The following ZNF273 variants were observed in gnomAD, a reference collection of about 807,000 sequenced individuals.
The protein encoded by ZNF273 is zinc finger protein 9.
In ZNF273, 11 loss-of-function variants were observed where a neutral mutation model predicts 14.9. The ratio of observed to expected loss-of-function variants is 0.74; its 90% CI spans 0.46 to 1.22. The LOEUF (loss-of-function observed/expected upper bound fraction) is 1.22, where lower values mean the gene tolerates loss of function less well. Among genes scored for constraint, ZNF273 ranks in the 50% most tolerant of loss-of-function variants. ZNF273 has a pLI of 0.00. For synonymous variants in ZNF273, 199 were observed against 223.9 expected (o/e 0.89, Z 0.99); for missense variants, 577 against 660.6 (o/e 0.87, Z 1.39).
intron 1 of ZNF273, 128 bp from the exon 2 acceptor site, chr7:64,917,453 G>T: frequency 7.4e-7 from 1 of 1,357,806 alleles, no homozygotes; most frequent in South Asian, 1.3e-5. Context: ...TTATTTTATT[G>T]GATAATTTTA....
At chr7:64,888,655 C>G in exon 2 of ZNF273, 1 of 985,888 alleles carries the variant, frequency 1.0e-6, no homozygotes, top group Non-Finnish European at 1.2e-6. Context: ...CTGCCCCTGA[C>G]CAGGGGGCCG....
chr7:64,896,762 A>T (rs1179729962), intron 3 of ZNF273, among the ~76,000 whole-genome samples: 1 of 152,184 alleles, frequency 6.6e-6, no homozygotes, highest in African/African-American at 2.4e-5. Flanking sequence ...TCAAGCTCAG[A>T]TGATCTATGT....
At chr7:64,913,543 A>G (rs1793722340) in intron 1 of ZNF273, among the ~76,000 whole-genome samples, 1 of 152,250 alleles carries the variant, frequency 6.6e-6, no homozygotes, top group Non-Finnish European at 1.5e-5. Context: ...ACTTATTCAG[A>G]CATTGCTGCC....
downstream of ZNF273, among the ~76,000 whole-genome samples, chr7:64,934,667 G>A (rs1795046657): frequency 6.6e-6 from 1 of 152,088 alleles, no homozygotes; most frequent in Admixed American, 6.5e-5. Flanking sequence ...ACTGGCATAT[G>A]TGTCTGTTTT....
At chr7:64,892,335 T>G (rs1792085356), downstream of ZNF273, among the ~76,000 whole-genome samples, 1 of 152,206 alleles carries the variant, frequency 6.6e-6, no homozygotes. Context: ...AATGAGTTAT[T>G]ATGTAATTTG....
At chr7:64,912,825 A>ATTTTTTTTTTTTTTTTTTTTTTTTTT (rs1562959126) in intron 1 of ZNF273, among the ~76,000 whole-genome samples, 1 of 16,846 alleles carries the variant, frequency 5.9e-5, no homozygotes, top group Non-Finnish European at 3.5e-4. Context: ...GATTCATTTT[A>ATTTTTTTTTTTTTTTTTTTTTTTTTT]GTTTTTTTTT....
chr7:64,892,372 T>G (rs1792088332), downstream of ZNF273, among the ~76,000 whole-genome samples: 1 of 148,742 alleles, frequency 6.7e-6, no homozygotes. Flanking sequence ...GGCTCATAGT[T>G]AGTGCTCAGT....
At chr7:64,932,119 T>A (rs1795001754), downstream of ZNF273, among the ~76,000 whole-genome samples, 1 of 151,914 alleles carries the variant, frequency 6.6e-6, no homozygotes. Flanking sequence ...TGGTTTTAAT[T>A]GGTGAGTTTG....
At chr7:64,889,884 T>G, downstream of ZNF273, 1 of 536,522 alleles carries the variant, frequency 1.9e-6, no homozygotes, top group Non-Finnish European at 2.4e-6. This position sits in a 1 kb window ranked among gnomAD's most constrained non-coding sequence, Gnocchi z 4.2. Flanking sequence ...CTTCTTTTGC[T>G]GGCAGTCAGA....
intron 1 of ZNF273, among the ~76,000 whole-genome samples, chr7:64,887,315 G>A (rs1791648513): frequency 1.3e-5 from 2 of 151,956 alleles, no homozygotes; most frequent in South Asian, 4.1e-4. Flanking sequence ...CCCTGCAATT[G>A]CCCTTTGCAT....
In ZNF273 at chr7:64,929,142, G is replaced by A. The variant is rs974285107; in HGVS notation, c.*104G>A. 13 of 10,358 alleles carry A rather than the reference G, an allele frequency of 1.3e-3. No homozygotes were observed. Among genetic ancestry groups the A allele is most frequent in the Non-Finnish European group, 2.4e-3 (12 of 4,980 alleles). 0.6% of individuals were successfully genotyped at this position (10,358 alleles called of 1,614,324 possible). On this transcript the variant is annotated 3_prime_UTR_variant, in exon 4 of 4. Transcript: ENST00000476120. ...TCCCAGAAGTGGAGTTTTCCTTATT[G>A]CACAGGAAAGCATTTATACTTGAGA...
At chr7:64,911,548 C>T (rs932110295) in intron 1 of ZNF273, among the ~76,000 whole-genome samples, 2 of 152,158 alleles carry the variant, frequency 1.3e-5, no homozygotes, top group Non-Finnish European at 2.9e-5. Flanking sequence ...CAGGTGTGAG[C>T]CACTGTGCCT....
chr7:64,930,243 T>C lies in ZNF273; in HGVS notation c.*1205T>C, dbSNP rs1325728088. 2.0e-5 allele frequency: 3 copies of C among 152,204 alleles called. No individual in the cohort carries two copies. Among genetic ancestry groups the C allele is most frequent in the Non-Finnish European group, 4.4e-5 (3 of 68,038 alleles). The allele number at this position is 152,204 out of a possible 1,614,324, so 9.4% of individuals were successfully genotyped here. A position where few individuals can be genotyped will look rare whatever the true frequency, so the allele number is the denominator to read the frequency against. On this transcript the variant is annotated 3_prime_UTR_variant, in exon 4 of 4. Transcript: ENST00000476120. The stretch of plus-strand genomic sequence containing the variant: ...GCTGCATCAAAGATATGAGATTTTT[T>C]TTTTTATTAGGTGGGCATTATTTAT...
intron 1 of ZNF273, among the ~76,000 whole-genome samples, chr7:64,912,206 G>T (rs1404122122): frequency 1.3e-5 from 2 of 152,152 alleles, no homozygotes; most frequent in African/African-American, 2.4e-5. Flanking sequence ...TGATTCGCCC[G>T]CCTCGGCCTC....
At chr7:64,913,918 T>G (rs77469854) in intron 1 of ZNF273, among the ~76,000 whole-genome samples, 7,422 of 152,170 alleles carry the variant, frequency 0.049, 555 homozygotes, top group African/African-American at 0.16. Context: ...TCTTTTTACT[T>G]GTGCCCTTTC....
At chr7:64,887,070 A>T (rs1482114453) in intron 1 of ZNF273, among the ~76,000 whole-genome samples, 3 of 152,134 alleles carry the variant, frequency 2.0e-5, no homozygotes, top group Non-Finnish European at 4.4e-5. Context: ...TGTCCCAAGG[A>T]CACTGGGGAC....
At chr7:64,915,856 A>G (rs577224923) in intron 1 of ZNF273, among the ~76,000 whole-genome samples, 7 of 152,332 alleles carry the variant, frequency 4.6e-5, no homozygotes, top group Non-Finnish European at 8.8e-5. Context: ...CAAAATGCTT[A>G]TTTAAACAGG....
chr7:64,900,688 A>T (rs1534148), upstream of ZNF273, among the ~76,000 whole-genome samples: 1 of 152,150 alleles, frequency 6.6e-6, no homozygotes, highest in Admixed American at 6.5e-5. Flanking sequence ...CCAGATTTTC[A>T]CACCTATGCA....
chr7:64,930,472 C>T lies in ZNF273; in HGVS notation c.*1434C>T, dbSNP rs1379794610. On this transcript the variant is annotated 3_prime_UTR_variant, in exon 4 of 4. Transcript: ENST00000476120. Reference sequence around the variant, plus strand: ...GAATTGTGCTTTTCATAATGCAGTACATTTCAAAATTTTTAGATTATGTAT... The same window carrying T: ...GAATTGTGCTTTTCATAATGCAGTATATTTCAAAATTTTTAGATTATGTAT... The T allele has an allele frequency of 2.6e-5, 4 of 152,082 alleles. No individual in the cohort carries two copies. The East Asian group carries it at 7.7e-4, about 29-fold the overall frequency. The allele number at this position is 152,082 out of a possible 1,614,324, so 9.4% of individuals were successfully genotyped here. A position where few individuals can be genotyped will look rare whatever the true frequency, so the allele number is the denominator to read the frequency against.
Sources: allele counts gnomAD v4.1 joint callset (sites outside exome capture counted in the v4.1 genomes callset), GRCh38; gene constraint gnomAD v4.1.1; non-coding constraint Gnocchi (gnomAD v3.1); transcripts MANE v1.5; gene names NCBI Gene and HGNC (gene_info 2026-07-23, HGNC 2026-07-21).